TTC29: variants seen among roughly 807,000 people sequenced by gnomAD.
TTC29 encodes tetratricopeptide repeat protein 29.
In TTC29, 49 loss-of-function variants were observed where a neutral mutation model predicts 58.1. That is an observed-to-expected ratio of 0.84 (90% CI 0.67 to 1.07). TTC29 has a LOEUF of 1.07. Among genes scored for constraint, TTC29 ranks in the 50% least tolerant of loss-of-function variants. TTC29 has a pLI of 0.00. For synonymous variants in TTC29, 209 were observed against 196.8 expected, an observed-to-expected ratio of 1.06 and a Z score of -0.52; for missense variants, 582 against 555.6, an observed-to-expected ratio of 1.05 and a Z score of -0.48.
At chr4:146,833,600 A>G (rs1188179499) in intron 9 of TTC29, among the ~76,000 whole-genome samples, 1 of 152,224 alleles carries the variant, frequency 6.6e-6, no homozygotes, top group Non-Finnish European at 1.5e-5. Context: ...AATAATACGA[A>G]GGAGGCACAG....
intron 7 of TTC29, 71 bp downstream of exon 7, chr4:146,874,645 T>A: frequency 8.1e-7 from 1 of 1,242,110 alleles, no homozygotes; most frequent in South Asian, 1.3e-5. Context: ...TGACGATTTT[T>A]ACTTCACTCT....
intron 9 of TTC29, among the ~76,000 whole-genome samples, chr4:146,826,225 T>A (rs554467172): frequency 1.3e-5 from 2 of 152,234 alleles, no homozygotes; most frequent in African/African-American, 4.8e-5. Context: ...TATATTTTGG[T>A]GTGTTTTTGC....
At chr4:146,864,170 A>G (rs972676496) in intron 8 of TTC29, among the ~76,000 whole-genome samples, 9 of 152,030 alleles carry the variant, frequency 5.9e-5, no homozygotes, top group African/African-American at 2.2e-4. Context: ...CTCCAATTCT[A>G]CATATCCAAA....
intron 8 of TTC29, among the ~76,000 whole-genome samples, chr4:146,843,858 A>T (rs1729001989): frequency 1.3e-5 from 2 of 152,122 alleles, no homozygotes; most frequent in African/African-American, 4.8e-5. Flanking sequence ...TTGAAATTTT[A>T]TTTTCATACT....
intron 10 of TTC29, among the ~76,000 whole-genome samples, chr4:146,806,615 C>G (rs1202337039): frequency 6.9e-6 from 1 of 144,666 alleles, no homozygotes; most frequent in Non-Finnish European, 1.5e-5. Flanking sequence ...TTTAAACCAA[C>G]AAAGATAAAA....
At chr4:146,835,358 A>C (rs1449083742) in intron 8 of TTC29, among the ~76,000 whole-genome samples, 1 of 152,156 alleles carries the variant, frequency 6.6e-6, no homozygotes, top group African/African-American at 2.4e-5. Flanking sequence ...TTTCTGAGTT[A>C]AAGGGCAGTA....
chr4:146,720,307 G>T (rs1579518108), intron 11 of TTC29, among the ~76,000 whole-genome samples: 1 of 151,980 alleles, frequency 6.6e-6, no homozygotes, highest in East Asian at 1.9e-4. Flanking sequence ...AAACCTAAAA[G>T]AAACTATTCC....
chr4:146,760,265 A>C (rs1746779851), intron 11 of TTC29, among the ~76,000 whole-genome samples: 2 of 152,022 alleles, frequency 1.3e-5, no homozygotes, highest in African/African-American at 4.8e-5. Context: ...AAACTACAAA[A>C]CACTGCTGAA....
At chr4:146,764,335 T>C (rs955756976) in intron 11 of TTC29, 2 of 152,018 alleles carry the variant, frequency 1.3e-5, no homozygotes, top group African/African-American at 4.8e-5. Context: ...TGCTCTAAGC[T>C]AACCTCAAGG....
At chr4:146,764,685 C>T (rs911215497) in intron 11 of TTC29, among the ~76,000 whole-genome samples, 2 of 151,966 alleles carry the variant, frequency 1.3e-5, no homozygotes, top group South Asian at 2.1e-4. Context: ...TTGTACTTGA[C>T]GTTTTACCTG....
At chr4:146,867,390 A>G in intron 8 of TTC29, 108 bp downstream of exon 8, 1 of 492,892 alleles carries the variant, frequency 2.0e-6, no homozygotes, top group Admixed American at 4.1e-5. Flanking sequence ...AGGCACACCT[A>G]TGTCAGGCCT....
intron 9 of TTC29, among the ~76,000 whole-genome samples, chr4:146,829,166 C>G (rs549524921): frequency 2.0e-5 from 3 of 152,318 alleles, no homozygotes; most frequent in Non-Finnish European, 4.4e-5. Flanking sequence ...GAACAGGACT[C>G]CTCGGTCCAA....
At chr4:146,764,818 C>T (rs1402644997) in intron 11 of TTC29, among the ~76,000 whole-genome samples, 1 of 152,058 alleles carries the variant, frequency 6.6e-6, no homozygotes, top group East Asian at 1.9e-4. Flanking sequence ...TCAGTTCAAA[C>T]AGGATGATCA....
intron 4 of TTC29, among the ~76,000 whole-genome samples, chr4:146,917,617 A>ATACATTATATATTATTTATATAATATC (rs1734319355): frequency 7.0e-6 from 1 of 143,148 alleles, no homozygotes. Context: ...TTTATAATAT[A>ATACATTATATATTATTTATATAATATC]TAATTAGATA....
Position 146,862,999 on chromosome 4 carries a change from G to A in TTC29, c.885+4499C>T, listed in dbSNP as rs187134019. Among the ~76,000 whole-genome samples, 78 of 152,052 alleles carry A rather than the reference G, an allele frequency of 5.1e-4. No individual in the cohort carries two copies. In the East Asian group the frequency reaches 0.015, roughly 29 times the overall value. On this transcript the variant is annotated intron_variant, in intron 8 of 12. Transcript: ENST00000325106. Reference sequence around the variant, plus strand: ...TAGCCGGGCGTGGTGGCATGCGCCTGTAGTCCCAGCTACTCAGGAGGCTGA... The same window carrying A: ...TAGCCGGGCGTGGTGGCATGCGCCTATAGTCCCAGCTACTCAGGAGGCTGA...
rs571436575 is a variant in TTC29 at position 146,721,060 on chromosome 4, T to C, written c.1331-13509A>G. ...ATTATGGCATAACCCTCTGAATTAG[T>C]GCATGACCCTCAGAGAAGAAATGAG... On this transcript the variant is annotated intron_variant, in intron 11 of 12. Coordinates refer to ENST00000325106, the MANE Select transcript of TTC29 (RefSeq NM_031956.4). 4.6e-5 allele frequency among the ~76,000 whole-genome samples: 7 copies of C among 152,140 alleles called. No homozygotes were observed. In the South Asian group the frequency reaches 8.3e-4, roughly 18 times the overall value.
chr4:146,791,772 G>A (rs763636425), intron 11 of TTC29, among the ~76,000 whole-genome samples: 4 of 152,174 alleles, frequency 2.6e-5, no homozygotes, highest in Non-Finnish European at 4.4e-5. Context: ...AGAAAAGAAA[G>A]TTCTTGAAAG....
intron 4 of TTC29, among the ~76,000 whole-genome samples, chr4:146,912,667 T>G (rs991745990): frequency 2.0e-5 from 3 of 152,024 alleles, no homozygotes; most frequent in African/African-American, 7.2e-5. Context: ...GACTTTCAAT[T>G]TAGCATTCTC....
At chr4:146,740,840 C>G (rs1745080654) in intron 11 of TTC29, among the ~76,000 whole-genome samples, 1 of 152,080 alleles carries the variant, frequency 6.6e-6, no homozygotes, top group Non-Finnish European at 1.5e-5. Flanking sequence ...AGTGATCCTC[C>G]CGCCTCAGCC....
Sources: allele counts gnomAD v4.1 joint callset (sites outside exome capture counted in the v4.1 genomes callset), GRCh38; gene constraint gnomAD v4.1.1; transcripts MANE v1.5; gene names NCBI Gene and HGNC (gene_info 2026-07-23, HGNC 2026-07-21).